PTPRD: variants seen among roughly 807,000 people sequenced by gnomAD.
The protein encoded by PTPRD is receptor-type tyrosine-protein phosphatase delta.
PTPRD carries 34 observed loss-of-function variants against 214.5 expected under a neutral mutation model. The observed-to-expected ratio is 0.16, with a 90% CI of 0.12 to 0.21. PTPRD has a LOEUF of 0.21. Ranked by LOEUF, PTPRD falls within the 10% of genes least tolerant of loss-of-function variation. The pLI, the probability that PTPRD is intolerant of heterozygous loss-of-function variation, is 1.00. For synonymous variants in PTPRD, 1,128 were observed against 845.7 expected (o/e 1.33, Z -5.79); for missense variants, 2,545 against 2,398.7 (o/e 1.06, Z -1.27).
intron 2 of PTPRD, among the ~76,000 whole-genome samples, chr9:10,533,657 T>A (rs944908829): frequency 1.3e-5 from 2 of 152,086 alleles, no homozygotes; most frequent in Admixed American, 6.6e-5. Flanking sequence ...AACAAAATGA[T>A]ACAAACTAAC....
chr9:9,247,552 T>C (rs1366623035), intron 9 of PTPRD, among the ~76,000 whole-genome samples: 6 of 152,036 alleles, frequency 3.9e-5, no homozygotes, highest in African/African-American at 1.4e-4. Flanking sequence ...CCTCTACAAA[T>C]CAAAACGAAT....
At chr9:8,550,305 T>A (rs2081636127) in intron 14 of PTPRD, among the ~76,000 whole-genome samples, 2 of 152,140 alleles carry the variant, frequency 1.3e-5, no homozygotes. Context: ...GTGTCATGAG[T>A]ATTAAATGAT....
intron 8 of PTPRD, among the ~76,000 whole-genome samples, chr9:9,431,748 T>A (rs544663422): frequency 5.9e-5 from 9 of 151,680 alleles, no homozygotes; most frequent in African/African-American, 2.2e-4. Flanking sequence ...TTCATGTCCT[T>A]TGTAGGGAGA....
intron 2 of PTPRD, among the ~76,000 whole-genome samples, chr9:10,552,612 A>T (rs2061585070): frequency 6.6e-6 from 1 of 152,154 alleles, no homozygotes; most frequent in Non-Finnish European, 1.5e-5. Flanking sequence ...TAGATCAACC[A>T]ATTGCTCTTT....
chr9:9,612,476 T>G (rs2094567248), intron 7 of PTPRD, among the ~76,000 whole-genome samples: 1 of 152,080 alleles, frequency 6.6e-6, no homozygotes, highest in South Asian at 2.1e-4. Context: ...GAGGCCAGAG[T>G]GCAGGTGTGC....
At chr9:9,500,702 G>C (rs2096382285) in intron 8 of PTPRD, among the ~76,000 whole-genome samples, 1 of 152,020 alleles carries the variant, frequency 6.6e-6, no homozygotes, top group Admixed American at 6.6e-5. Flanking sequence ...AAATAAAGAA[G>C]ACTGGAGATA....
At chr9:8,720,610 A>C (rs1416088554) in intron 12 of PTPRD, among the ~76,000 whole-genome samples, 1 of 152,228 alleles carries the variant, frequency 6.6e-6, no homozygotes, top group Non-Finnish European at 1.5e-5. Context: ...AAGAACAAGA[A>C]AGCCTAATAA....
chr9:8,958,780 G>A (rs1222368379), intron 11 of PTPRD: 1 of 151,986 alleles, frequency 6.6e-6, no homozygotes, highest in Non-Finnish European at 1.5e-5. Flanking sequence ...GAAGAAGCAT[G>A]TAGTCTTAAT....
intron 7 of PTPRD, among the ~76,000 whole-genome samples, chr9:9,673,879 A>G (rs1419391143): frequency 6.6e-6 from 1 of 151,778 alleles, no homozygotes; most frequent in Non-Finnish European, 1.5e-5. Flanking sequence ...ACAATAATAT[A>G]TCATACTTAA....
chr9:9,570,261 T>G (rs146723751), intron 8 of PTPRD, among the ~76,000 whole-genome samples: 1,554 of 151,674 alleles, frequency 0.01, 87 homozygotes, highest in East Asian at 0.095. Context: ...ATTAGACTTC[T>G]ATTGCATAAT....
chr9:8,384,918 C>T (rs569790189), intron 37 of PTPRD, among the ~76,000 whole-genome samples: 2 of 152,188 alleles, frequency 1.3e-5, no homozygotes, highest in Admixed American at 1.3e-4. Context: ...TGAATGTATA[C>T]ACCAGGCAAA....
chr9:9,330,206 T>C (rs1284561242), intron 9 of PTPRD, among the ~76,000 whole-genome samples: 1 of 152,114 alleles, frequency 6.6e-6, no homozygotes, highest in Non-Finnish European at 1.5e-5. Flanking sequence ...AAAATACATG[T>C]TCATTCCTTA....
At chr9:10,479,658 T>TAAATAAACAAACAAACAAACAAAC (rs141946645) in intron 2 of PTPRD, among the ~76,000 whole-genome samples, 1 of 145,812 alleles carries the variant, frequency 6.9e-6, no homozygotes, top group Non-Finnish European at 1.5e-5. Flanking sequence ...AATAAATAAA[T>TAAATAAACAAACAAACAAACAAAC]AAACAAAAAT....
At chr9:8,657,922 G>A (rs117014731) in intron 12 of PTPRD, among the ~76,000 whole-genome samples, 2,999 of 152,004 alleles carry the variant, frequency 0.02, 39 homozygotes, top group Middle Eastern at 0.065. Flanking sequence ...ACATCCTTTT[G>A]TAATACTTTA....
At chr9:8,746,996 G>T (rs2092897516) in intron 11 of PTPRD, among the ~76,000 whole-genome samples, 1 of 152,178 alleles carries the variant, frequency 6.6e-6, no homozygotes, top group African/African-American at 2.4e-5. Flanking sequence ...AGGATGGGTG[G>T]AAGAGAAGTG....
In PTPRD at chr9:8,620,468, T is replaced by A. The variant is rs976584732; in HGVS notation, c.352+12849A>T. ...TTACATAAAAATAAAAATTAAGAAT[T>A]TATAGTGTCTAATGTCTTGATGAAA... On this transcript the variant is annotated intron_variant, in intron 14 of 45. Transcript: ENST00000381196. Among the ~76,000 whole-genome samples, 6 of 151,960 alleles carry A rather than the reference T, an allele frequency of 3.9e-5. No individual in the cohort carries two copies. In the South Asian group the frequency reaches 6.2e-4, roughly 16 times the overall value.
chr9:9,243,476 C>T (rs1385215471), intron 9 of PTPRD, among the ~76,000 whole-genome samples: 2 of 152,120 alleles, frequency 1.3e-5, no homozygotes, highest in Non-Finnish European at 2.9e-5. Context: ...GGATGCAAGG[C>T]TGGTTCAACA....
intron 5 of PTPRD, among the ~76,000 whole-genome samples, chr9:9,916,888 A>G (rs1047596805): frequency 6.6e-6 from 1 of 151,972 alleles, no homozygotes; most frequent in Non-Finnish European, 1.5e-5. Context: ...TGATCACAAT[A>G]GAATAAAATG....
chr9:8,448,125 G>C (rs2095805499), intron 34 of PTPRD, among the ~76,000 whole-genome samples: 1 of 151,926 alleles, frequency 6.6e-6, no homozygotes, highest in South Asian at 2.1e-4. Context: ...AGGAGTTGGA[G>C]CCCAGCTTGT....
Sources: gnomAD v4.1 joint callset for allele counts (sites outside exome capture counted in the v4.1 genomes callset) on GRCh38, gnomAD v4.1.1 for gene constraint, MANE v1.5 for transcripts, NCBI Gene and HGNC (gene_info 2026-07-23, HGNC 2026-07-21) for gene names.